The following PHACTR1 variants were observed in gnomAD, a reference collection of about 807,000 sequenced individuals.
PHACTR1 encodes the protein phosphatase and actin regulator 1.
Under a neutral mutation model 69.2 loss-of-function variants are expected in PHACTR1, and 16 were observed. That is an observed-to-expected ratio of 0.23 (90% CI 0.16 to 0.35). The LOEUF (loss-of-function observed/expected upper bound fraction) is 0.35. PHACTR1 is among the 10% of genes least tolerant of loss of function. PHACTR1 has a pLI of 1.00. For missense variants in PHACTR1, 510 were observed against 734.7 expected (o/e 0.69, Z 3.54); for synonymous variants, 312 against 284.5 (o/e 1.10, Z -0.97).
intron 5 of PHACTR1, among the ~76,000 whole-genome samples, chr6:13,157,318 A>G (rs1200897278): frequency 2.0e-5 from 3 of 152,220 alleles, no homozygotes; most frequent in Non-Finnish European, 2.9e-5. Context: ...TCTGATAGGA[A>G]CTTGTCCCTT....
At chr6:12,725,772 T>A (rs771837265) in intron 3 of PHACTR1, among the ~76,000 whole-genome samples, 1 of 152,226 alleles carries the variant, frequency 6.6e-6, no homozygotes, top group Non-Finnish European at 1.5e-5. Flanking sequence ...ATCTTCTTGG[T>A]GCTTAATATC....
intron 4 of PHACTR1, among the ~76,000 whole-genome samples, chr6:13,034,430 C>G (rs1802981125): frequency 6.6e-6 from 1 of 152,186 alleles, no homozygotes; most frequent in African/African-American, 2.4e-5. Context: ...TGTTAAAGTA[C>G]TTAATATAGA....
chr6:13,063,181 T>C (rs1228702323), intron 5 of PHACTR1, among the ~76,000 whole-genome samples: 1 of 152,190 alleles, frequency 6.6e-6, no homozygotes, highest in African/African-American at 2.4e-5. Flanking sequence ...GTCCATACCA[T>C]TGCAACAGTG....
chr6:13,078,653 C>G (rs556663882), intron 5 of PHACTR1, among the ~76,000 whole-genome samples: 1 of 152,272 alleles, frequency 6.6e-6, no homozygotes, highest in South Asian at 2.1e-4. Context: ...CAGCTCATTA[C>G]CAGACTGGCA....
chr6:13,124,105 G>A (rs987428695), intron 5 of PHACTR1, among the ~76,000 whole-genome samples: 3 of 152,182 alleles, frequency 2.0e-5, no homozygotes, highest in Non-Finnish European at 4.4e-5. Flanking sequence ...CAAGGGATGT[G>A]GGAGTATGAA....
At chr6:12,940,819 A>C (rs1008674981) in intron 4 of PHACTR1, among the ~76,000 whole-genome samples, 1 of 152,152 alleles carries the variant, frequency 6.6e-6, no homozygotes, top group Non-Finnish European at 1.5e-5. Flanking sequence ...TTGTCCCTTA[A>C]TATGTATCAT....
intron 13 of PHACTR1, among the ~76,000 whole-genome samples, chr6:13,284,715 T>C (rs1781265465): frequency 6.6e-6 from 1 of 151,806 alleles, no homozygotes; most frequent in African/African-American, 2.4e-5. Context: ...GGTTTTCTTA[T>C]ATGATACAGC....
intron 4 of PHACTR1, among the ~76,000 whole-genome samples, chr6:13,008,255 C>T (rs1485229776): frequency 6.6e-5 from 10 of 152,132 alleles, no homozygotes; most frequent in East Asian, 1.9e-4. Flanking sequence ...GCCTCACTTG[C>T]GGGGCAATCA....
At chr6:13,083,653 T>C (rs1206926366) in intron 5 of PHACTR1, among the ~76,000 whole-genome samples, 2 of 152,188 alleles carry the variant, frequency 1.3e-5, no homozygotes, top group Non-Finnish European at 2.9e-5. Flanking sequence ...CTTGAAGAGG[T>C]CCTTTACATC....
intron 5 of PHACTR1, among the ~76,000 whole-genome samples, chr6:13,087,922 C>T (rs1051970417): frequency 5.3e-5 from 8 of 152,128 alleles, no homozygotes; most frequent in African/African-American, 1.9e-4. Context: ...GCTAGGATTA[C>T]AGGCATGAGC....
rs61746695 is a variant in PHACTR1 at position 13,053,395 on chromosome 6, G to C, written c.281G>C (p.Arg94Pro). The C allele has an allele frequency of 1.2e-6, 2 of 1,612,812 alleles. No individual in the cohort carries two copies. The highest frequency in any genetic ancestry group is 1.7e-6 in the Non-Finnish European group (2 of 1,179,448). The change falls in exon 5 of 15, where the codon CGT (arginine) becomes CCT (proline). Residue 94 changes from arginine to proline, a missense_variant. By Grantham distance (103) the Arg-to-Pro change is moderately radical. Around this residue, in one of 2 missense-constraint regions of PHACTR1, gnomAD observed 419 missense variants for 530.9 expected, o/e 0.79. Transcript: ENST00000332995. The stretch of plus-strand genomic sequence containing the variant: ...GAAGTGGAGAGGCTGGCGGCGATGC[G>C]TTCTGACTCCCTCGTCCCAGGCACC... The part of the protein sequence containing the change: ...AEEVERLAAM[R>P]SDSLVPGTHT...
At chr6:13,158,516 A>G (rs1758516991) in intron 5 of PHACTR1, among the ~76,000 whole-genome samples, 1 of 152,186 alleles carries the variant, frequency 6.6e-6, no homozygotes, top group Non-Finnish European at 1.5e-5. Context: ...TTTCTCCCTC[A>G]TATCACTTAA....
chr6:13,196,213 A>G (rs550398386), intron 7 of PHACTR1, among the ~76,000 whole-genome samples: 1 of 150,436 alleles, frequency 6.6e-6, no homozygotes, highest in African/African-American at 2.4e-5. Flanking sequence ...CATGCATCAG[A>G]TAGATGCAAA....
At chr6:12,921,762 A>AG (rs1427234642) in intron 4 of PHACTR1, among the ~76,000 whole-genome samples, 2 of 108,960 alleles carry the variant, frequency 1.8e-5, no homozygotes, top group Non-Finnish European at 3.7e-5. Flanking sequence ...GAAGGAAGGA[A>AG]GAAGGAAGGG....
chr6:12,880,472 T>C (rs1782980652), intron 4 of PHACTR1, among the ~76,000 whole-genome samples: 1 of 152,114 alleles, frequency 6.6e-6, no homozygotes, highest in Non-Finnish European at 1.5e-5. Context: ...CCCAGGCTCA[T>C]CTGGAACTTC....
chr6:13,168,310 T>C (rs1029634825), intron 6 of PHACTR1, among the ~76,000 whole-genome samples: 1 of 152,200 alleles, frequency 6.6e-6, no homozygotes, highest in Non-Finnish European at 1.5e-5. Context: ...TAGAAAGTGG[T>C]TTAAACAATA....
chr6:12,954,372 G>A lies in PHACTR1; in HGVS notation c.251-98993G>A, dbSNP rs188978943. Among the ~76,000 whole-genome samples, 377 of 151,450 alleles carry A rather than the reference G, an allele frequency of 2.5e-3. 2 individuals are homozygous for A. The highest frequency in any genetic ancestry group is 8.7e-3 in the African/African-American group (359 of 41,252). On this transcript the variant is annotated intron_variant, in intron 4 of 14. Coordinates refer to ENST00000332995, the MANE Select transcript of PHACTR1 (RefSeq NM_030948.6). Reference sequence around the variant, plus strand: ...TGATTAAATGTCTGCTTTGACACATGCTCACACTGAAGGCAGGGTAGAAAC... The same window carrying A: ...TGATTAAATGTCTGCTTTGACACATACTCACACTGAAGGCAGGGTAGAAAC...
At chr6:12,829,233 C>T (rs905531569) in intron 4 of PHACTR1, among the ~76,000 whole-genome samples, 2 of 152,058 alleles carry the variant, frequency 1.3e-5, no homozygotes, top group East Asian at 1.9e-4. Flanking sequence ...ACAGTGCACA[C>T]GAGTGGGATT....
chr6:12,813,068 A>C (rs1775203771), intron 4 of PHACTR1, among the ~76,000 whole-genome samples: 1 of 152,202 alleles, frequency 6.6e-6, no homozygotes, highest in Admixed American at 6.5e-5. Context: ...AGATAGTAAA[A>C]ACAATTAAAA....
Sources: gnomAD v4.1 joint callset for allele counts (sites outside exome capture counted in the v4.1 genomes callset) on GRCh38, gnomAD v4.1.1 for gene constraint, gnomAD v4.1.1 regional missense constraint, MANE v1.5 for transcripts, NCBI Gene and HGNC (gene_info 2026-07-23, HGNC 2026-07-21) for gene names.